Variants in YLPM1 observed in about 807,000 individuals in gnomAD.
YLPM1 encodes YLP motif containing 1, also known as YLP motif-containing protein 1.
Under a neutral mutation model 230.0 loss-of-function variants are expected in YLPM1, and 99 were observed. That is an observed-to-expected ratio of 0.43 (90% CI 0.37 to 0.51). YLPM1 has a LOEUF of 0.51. Ranked by LOEUF, YLPM1 falls within the 20% of genes least tolerant of loss-of-function variation. YLPM1 has a pLI of 0.00. For synonymous variants in YLPM1, 984 were observed against 942.5 expected (o/e 1.04, Z -0.81); for missense variants, 2,592 against 2,707.7 (o/e 0.96, Z 0.95).
In YLPM1 at chr14:74,810,346, T is replaced by C; in HGVS notation, c.5154T>C (p.Asp1718=). 6.2e-7 allele frequency: 1 copy of C among 1,613,256 alleles called. No homozygotes were observed. The highest frequency in any genetic ancestry group is 8.5e-7 in the Non-Finnish European group (1 of 1,179,728). Residue 1718 remains aspartate (D), a synonymous_variant, in exon 9 of 21, where the codon GAT becomes GAC. Coordinates refer to ENST00000325680, the MANE Select transcript of YLPM1 (RefSeq NM_019589.3). ...DFKRDRETHR[D]RDRDRGVIDY... is the part of the protein sequence containing the mutation. Reference sequence around the variant, plus strand: ...AAAGGGATCGTGAGACACATAGAGATCGAGACCGGGATCGTGGTGTTATTG... The same window carrying C: ...AAAGGGATCGTGAGACACATAGAGACCGAGACCGGGATCGTGGTGTTATTG...
intron 4 of YLPM1, among the ~76,000 whole-genome samples, chr14:74,789,964 CT>C (rs1271330980): frequency 6.6e-6 from 1 of 151,532 alleles, no homozygotes; most frequent in Non-Finnish European, 1.5e-5. Context: ...AAAAAGATCA[CT>C]TTTAACTGTA....
intron 17 of YLPM1, 186 bp downstream of exon 17, chr14:74,821,323 A>C: frequency 1.2e-6 from 1 of 818,728 alleles, no homozygotes; most frequent in Non-Finnish European, 1.7e-6. Flanking sequence ...GAACCCTCTA[A>C]TGTGGTGTTA....
intron 13 of YLPM1, 24 bp from the exon 14 acceptor site, chr14:74,816,907 C>T: frequency 6.5e-7 from 1 of 1,536,034 alleles, no homozygotes; most frequent in East Asian, 2.3e-5. Flanking sequence ...TTGCTAATTC[C>T]ATATCTCTTT....
At chr14:74,832,029 T>A (rs562739991) in intron 19 of YLPM1, among the ~76,000 whole-genome samples, 1 of 152,244 alleles carries the variant, frequency 6.6e-6, no homozygotes, top group Non-Finnish European at 1.5e-5. Context: ...CTTGTTTGTT[T>A]GCTGAATTTG....
chr14:74,782,079 C>T lies in YLPM1; in HGVS notation c.2036C>T (p.Ser679Phe). ...ALLPTPVSFG[S>F]APPTTYHPPL... ...CTTCCTACTCCTGTGTCTTTTGGTT[C>T]TGCCCCACCGACAACTTACCATCCT... The change falls in exon 4 of 21, where the codon TCT (serine) becomes TTT (phenylalanine). Residue 679 changes from serine to phenylalanine, a missense_variant. Transcript: ENST00000325680. The T allele has an allele frequency of 6.2e-7, 1 of 1,614,006 alleles. No homozygotes were observed. Among genetic ancestry groups the T allele is most frequent in the South Asian group, 1.1e-5 (1 of 91,076 alleles).
Position 74,799,370 on chromosome 14 carries a change from A to G in YLPM1, c.4073A>G (p.Glu1358Gly). ...AGATGGAGAGAAGAAAGAAATCGAG[A>G]GCATGGGTATGATCGAGATTTCCGT... ...DDRWREERNR[E>G]HGYDRDFRDR... The change falls in exon 5 of 21, where the codon GAG (glutamate) becomes GGG (glycine). Residue 1358 changes from glutamate (E) to glycine (G), a missense_variant. By Grantham distance (98) the Glu-to-Gly change is moderately conservative. This residue lies in a region of YLPM1 where 1,862 missense variants were observed against 1,819.8 expected (regional missense o/e 1.02). Transcript: ENST00000325680. The G allele has an allele frequency of 6.2e-7, 1 of 1,613,978 alleles. No homozygotes were observed. The highest frequency in any genetic ancestry group is 8.5e-7 in the Non-Finnish European group (1 of 1,179,882).
At chr14:74,784,171 A>T (rs994565674) in intron 4 of YLPM1, among the ~76,000 whole-genome samples, 2 of 152,228 alleles carry the variant, frequency 1.3e-5, no homozygotes, top group Non-Finnish European at 2.9e-5. Flanking sequence ...CATGAAACAT[A>T]CATTTCCTGC....
At chr14:74,818,463 G>T in intron 16 of YLPM1, 149 bp downstream of exon 16, 1 of 550,530 alleles carries the variant, frequency 1.8e-6, no homozygotes, top group Non-Finnish European at 3.0e-6. Flanking sequence ...ATCACGGTTA[G>T]TATTTTGCCA....
rs752163499 is a variant in YLPM1, at chr14:74,797,969, A to G, written c.2672A>G (p.Lys891Arg). 3 of 1,608,252 alleles carry G rather than the reference A, an allele frequency of 1.9e-6. No homozygotes were observed. The highest frequency in any genetic ancestry group is 1.1e-5 in the South Asian group (1 of 90,828). Residue 891 changes from lysine to arginine, a missense_variant, in exon 5 of 21, where the codon AAG becomes AGG. Coordinates refer to ENST00000325680, the MANE Select transcript of YLPM1 (RefSeq NM_019589.3). Reference protein sequence around the residue: ...SAAFSIAADVKDVKAAQSNEN... With the variant: ...SAAFSIAADVRDVKAAQSNEN... ...GCATTTTCCATTGCTGCAGATGTAAAGGATGTCAAGGCGGCTCAGTCAAAT... is the reference window on the plus strand; with the variant it reads ...GCATTTTCCATTGCTGCAGATGTAAGGGATGTCAAGGCGGCTCAGTCAAAT...
intron 15 of YLPM1, 147 bp downstream of exon 15, chr14:74,817,424 C>A: frequency 1.3e-6 from 1 of 783,418 alleles, no homozygotes; most frequent in Non-Finnish European, 2.0e-6. Context: ...TGTTTAAGTA[C>A]ACAAATACTT....
chr14:74,812,070 CTGAT>C (rs1465216068), intron 10 of YLPM1, among the ~76,000 whole-genome samples: 1 of 152,064 alleles, frequency 6.6e-6, no homozygotes, highest in African/African-American at 2.4e-5. Context: ...CGTGATTGTT[CTGAT>C]TGATATTGCA....
At chr14:74,833,671 T>C (rs2091624111) in intron 19 of YLPM1, among the ~76,000 whole-genome samples, 1 of 152,206 alleles carries the variant, frequency 6.6e-6, no homozygotes, top group African/African-American at 2.4e-5. Context: ...ATGAAAGACA[T>C]TGAGCCATAG....
intron 6 of YLPM1, among the ~76,000 whole-genome samples, chr14:74,808,600 C>T (rs772606387): frequency 2.0e-5 from 3 of 151,924 alleles, no homozygotes; most frequent in African/African-American, 4.8e-5. Flanking sequence ...GTCAGGAGTT[C>T]GAGACCAGCC....
intron 10 of YLPM1, among the ~76,000 whole-genome samples, chr14:74,812,420 A>G (rs1165065160): frequency 1.3e-5 from 2 of 152,180 alleles, no homozygotes; most frequent in Non-Finnish European, 1.5e-5. Flanking sequence ...AGAACATTCT[A>G]TTTGCCTGAA....
intron 4 of YLPM1, among the ~76,000 whole-genome samples, chr14:74,782,927 C>G (rs1314861423): frequency 6.6e-6 from 1 of 152,022 alleles, no homozygotes; most frequent in Non-Finnish European, 1.5e-5. Flanking sequence ...TCCTGAACAA[C>G]ATATTTAGAA....
intron 17 of YLPM1, among the ~76,000 whole-genome samples, chr14:74,822,970 G>T (rs1260495641): frequency 6.6e-6 from 1 of 152,056 alleles, no homozygotes; most frequent in Admixed American, 6.6e-5. Flanking sequence ...TGATTTTTAA[G>T]ATGTAACTTG....
At chr14:74,767,722 G>GA (rs2090927568) in intron 1 of YLPM1, among the ~76,000 whole-genome samples, 2 of 152,170 alleles carry the variant, frequency 1.3e-5, no homozygotes, top group South Asian at 4.1e-4. Context: ...TGAACTTGAT[G>GA]AAAAATCTGT....
At chr14:74,825,001 G>T (rs1394568722) in intron 18 of YLPM1, among the ~76,000 whole-genome samples, 2 of 151,954 alleles carry the variant, frequency 1.3e-5, no homozygotes. Flanking sequence ...GTTTTACTTC[G>T]CTTAAAGAGA....
intron 12 of YLPM1, 79 bp downstream of exon 12, chr14:74,816,344 C>G (rs2091478184): frequency 7.0e-7 from 1 of 1,429,540 alleles, no homozygotes; most frequent in East Asian, 2.4e-5. Context: ...TAATAGCAAG[C>G]AACATAATGC....
Sources: allele counts gnomAD v4.1 joint callset (sites outside exome capture counted in the v4.1 genomes callset), GRCh38; gene constraint gnomAD v4.1.1; regional missense constraint gnomAD v4.1.1; transcripts MANE v1.5; gene names NCBI Gene and HGNC (gene_info 2026-07-23, HGNC 2026-07-21).